DTX2: variants seen among roughly 807,000 people sequenced by gnomAD.
DTX2 encodes probable E3 ubiquitin-protein ligase DTX2.
A neutral mutation model predicts 55.3 loss-of-function variants in DTX2; 29 were observed. That is an observed-to-expected ratio of 0.52 (90% confidence interval 0.39 to 0.71). The LOEUF is 0.71. DTX2 is among the 30% of genes least tolerant of loss of function. The pLI, the probability that DTX2 is intolerant of heterozygous loss-of-function variation, is 0.00. For synonymous variants in DTX2, 276 were observed against 340.4 expected (o/e 0.81, Z 2.08); for missense variants, 537 against 822.5 (o/e 0.65, Z 4.25).
In DTX2 at chr7:76,502,440, A is replaced by G; in HGVS notation, c.1373A>G (p.Tyr458Cys). ...AFHLLCLLAM[Y>C]CNGNKDGSLQ... ...CACCTGCTGTGCCTCCTGGCCATGT[A>G]CTGCAACGGCAATAAGGTGCCCCCA... Residue 458 changes from tyrosine to cysteine, a missense_variant, in exon 8 of 11, where the codon TAC becomes TGC. Tyr to Cys is a radical substitution (Grantham distance 194). Around this residue, in one of 7 missense-constraint regions of DTX2, gnomAD observed 121 missense variants for 136.8 expected, o/e 0.88. Coordinates refer to ENST00000430490, the MANE Select transcript of DTX2 (RefSeq NM_001102594.3). 6.2e-7 allele frequency: 1 copy of G among 1,612,116 alleles called. No homozygotes were observed. The highest frequency in any genetic ancestry group is 8.5e-7 in the Non-Finnish European group (1 of 1,179,880).
intron 6 of DTX2, among the ~76,000 whole-genome samples, chr7:76,499,421 G>T (rs942792833): frequency 3.3e-5 from 5 of 151,568 alleles, no homozygotes; most frequent in African/African-American, 1.2e-4. Flanking sequence ...CCTTTTTGGT[G>T]TAAAGGGAGT....
chr7:76,466,748 G>A (rs1172031363), intron 2 of DTX2, among the ~76,000 whole-genome samples: 3 of 152,328 alleles, frequency 2.0e-5, no homozygotes, highest in Non-Finnish European at 2.9e-5. Flanking sequence ...ACAGGCATGC[G>A]CCACCATGCC....
intron 6 of DTX2, among the ~76,000 whole-genome samples, chr7:76,497,961 C>T (rs1811106033): frequency 6.7e-6 from 1 of 150,062 alleles, no homozygotes; most frequent in Non-Finnish European, 1.5e-5. Context: ...GTTGCATGGC[C>T]ACAGAAGAAG....
At chr7:76,498,355 C>A (rs934007732) in intron 6 of DTX2, among the ~76,000 whole-genome samples, 3 of 151,570 alleles carry the variant, frequency 2.0e-5, no homozygotes, top group African/African-American at 2.4e-5. Flanking sequence ...CGAGCTCCTG[C>A]CCCCAGCCCA....
intron 4 of DTX2, among the ~76,000 whole-genome samples, chr7:76,487,124 C>T (rs1810012114): frequency 2.9e-5 from 2 of 67,800 alleles, no homozygotes; most frequent in Middle Eastern, 4.5e-3. Context: ...GTGGTGTGAT[C>T]GTGGCTCACT....
In DTX2 at chr7:76,490,320, G is replaced by A. The variant is rs1290600445; in HGVS notation, c.909-1833G>A. Among the ~76,000 whole-genome samples, 4 of 84,090 alleles carry A rather than the reference G, an allele frequency of 4.8e-5. 1 individual carries two copies. Among genetic ancestry groups the A allele is most frequent in the African/African-American group, 1.8e-4 (3 of 17,094 alleles). 55.2% of individuals were successfully genotyped at this position (84,090 alleles called of 152,430 possible). A position where few individuals can be genotyped will look rare whatever the true frequency, so the allele number is the denominator to read the frequency against. ...CAGCCTGGTAATAGAGCGAGACTCC[G>A]TCCCCTCACCCCCCCAAAAAAAGAA... On this transcript the variant is annotated intron_variant, in intron 4 of 10. Coordinates refer to ENST00000430490, the MANE Select transcript of DTX2 (RefSeq NM_001102594.3).
chr7:76,495,782 G>A lies in DTX2; in HGVS notation c.1010-1555G>A, dbSNP rs114049378. ...GTGCAAAGCAGGAGTCCAGCAGGGT[G>A]GGGCGGGAGGCTTGGAGGGACAGGC... On this transcript the variant is annotated intron_variant, in intron 5 of 10. Coordinates refer to ENST00000430490, the MANE Select transcript of DTX2 (RefSeq NM_001102594.3). 6.1e-4 allele frequency among the ~76,000 whole-genome samples: 93 copies of A among 152,134 alleles called. 1 individual carries two copies. Among genetic ancestry groups the A allele is most frequent in the African/African-American group, 2.0e-3 (85 of 41,502 alleles).
chr7:76,503,282 C>G (rs1433702709), intron 8 of DTX2, 144 bp from the exon 9 acceptor site: 3 of 871,406 alleles, frequency 3.4e-6, no homozygotes, highest in Non-Finnish European at 5.2e-6. Context: ...CTGTTGGAAG[C>G]CAGTTTCCGG....
intron 2 of DTX2, among the ~76,000 whole-genome samples, chr7:76,469,574 T>C (rs1338836604): frequency 6.7e-6 from 1 of 150,102 alleles, no homozygotes; most frequent in Non-Finnish European, 1.5e-5. Context: ...TTGTATTTTT[T>C]AGTAGAGACA....
intron 8 of DTX2, 27 bp downstream of exon 8, chr7:76,502,483 C>G (rs751117493): frequency 6.2e-7 from 1 of 1,604,852 alleles, no homozygotes; most frequent in Non-Finnish European, 8.5e-7. Flanking sequence ...AGGGCGGAGG[C>G]GGGTGGCCCG....
intron 2 of DTX2, chr7:76,474,511 G>T (rs1808327768): frequency 6.6e-6 from 1 of 152,114 alleles, no homozygotes; most frequent in Non-Finnish European, 1.5e-5. Context: ...CTCTCGGGAC[G>T]GCAGAGGCAG....
intron 2 of DTX2, chr7:76,474,517 G>A (rs910948013): frequency 2.6e-5 from 4 of 152,180 alleles, no homozygotes; most frequent in Non-Finnish European, 5.9e-5. Context: ...GGACGGCAGA[G>A]GCAGGACAGC....
Position 76,503,481 on chromosome 7 carries a change from C to A in DTX2, c.1445C>A (p.Thr482Asn). Residue 482 changes from threonine to asparagine, a missense_variant, in exon 9 of 11, where the codon ACC (threonine) becomes AAC (asparagine). Thr to Asn is a moderately conservative substitution (Grantham distance 65, BLOSUM62 0). Coordinates refer to ENST00000430490, the MANE Select transcript of DTX2 (RefSeq NM_001102594.3). ...CKTIYGEKTG[T>N]QPQGKMEVLR... Reference sequence around the variant, plus strand: ...ACCATCTATGGAGAGAAGACGGGGACCCAGCCCCAGGGAAAGATGGAGGTA... The same window carrying A: ...ACCATCTATGGAGAGAAGACGGGGAACCAGCCCCAGGGAAAGATGGAGGTA... 1.2e-6 allele frequency: 2 copies of A among 1,613,004 alleles called. No homozygotes were observed. Among genetic ancestry groups the A allele is most frequent in the Non-Finnish European group, 1.7e-6 (2 of 1,179,950 alleles).
rs566676772 is a variant in DTX2 at position 76,481,376 on chromosome 7, G to A, written c.268+599G>A. Among the ~76,000 whole-genome samples, 61 of 152,178 alleles carry A rather than the reference G, an allele frequency of 4.0e-4. No individual in the cohort carries two copies. The South Asian group carries it at 4.6e-3, about 11-fold the overall frequency. Reference sequence around the variant, plus strand: ...TAATTTTTGTATTTTTAGTAGAGACGGGGTTTTGCCACGTTGGCCAGGCTG... The same window carrying A: ...TAATTTTTGTATTTTTAGTAGAGACAGGGTTTTGCCACGTTGGCCAGGCTG... On this transcript the variant is annotated intron_variant, in intron 3 of 10. Coordinates refer to ENST00000430490, the MANE Select transcript of DTX2 (RefSeq NM_001102594.3).
chr7:76,469,431 C>T (rs535291138), intron 2 of DTX2, among the ~76,000 whole-genome samples: 2 of 137,260 alleles, frequency 1.5e-5, no homozygotes, highest in African/African-American at 2.7e-5. Flanking sequence ...CTCATTCTGT[C>T]GCCCAAGCTG....
intron 2 of DTX2, among the ~76,000 whole-genome samples, chr7:76,464,363 G>A (rs1327774157): frequency 3.3e-5 from 5 of 150,276 alleles, no homozygotes; most frequent in Admixed American, 2.0e-4. Flanking sequence ...GGCTCTGAGC[G>A]AGGAGGGTTA....
Position 76,505,276 on chromosome 7 carries a change from TG to T in DTX2, c.1642-95del. 9.7e-7 allele frequency: 1 copy of T among 1,034,654 alleles called. No homozygotes were observed. The highest frequency in any genetic ancestry group is 1.5e-5 in the South Asian group (1 of 65,636). The allele number at this position is 1,034,654 out of a possible 1,614,324, so 64.1% of individuals were successfully genotyped here. The stretch of plus-strand genomic sequence containing the variant: ...AGTGGATGAGTCACCTGGGAGGGGC[TG>T]GGATGGGAAGAACATGGTGCCAACC... On this transcript the variant is annotated intron_variant, in intron 10 of 10. Coordinates refer to ENST00000430490, the MANE Select transcript of DTX2 (RefSeq NM_001102594.3). This position sits in a 1 kb window ranked among gnomAD's most constrained non-coding sequence, Gnocchi z 4.4.
intron 8 of DTX2, among the ~76,000 whole-genome samples, 164 bp downstream of exon 8, chr7:76,502,620 G>A (rs543877689): frequency 3.6e-4 from 55 of 152,278 alleles, no homozygotes; most frequent in African/African-American, 1.3e-3. Context: ...AGGCCTGGCC[G>A]GCTCTCCTAG....
chr7:76,480,739 T>C lies in DTX2; in HGVS notation c.230T>C (p.Ile77Thr), dbSNP rs745791636. Residue 77 changes from isoleucine (I) to threonine (T), a missense_variant, in exon 3 of 11, where the codon ATT (isoleucine) becomes ACT (threonine). By Grantham distance (89) the Ile-to-Thr change is moderately conservative (BLOSUM62 -1). This residue lies in a region of DTX2 where 301 missense variants were observed against 396.6 expected (regional missense o/e 0.76). Transcript: ENST00000430490. The stretch of plus-strand genomic sequence containing the variant: ...GACCCCTCGCTGGCCCCTTACATTA[T>C]TGACCTCCCCAGCTGGACCCAGTTC... ...QADPSLAPYI[I>T]DLPSWTQFRQ... 2.5e-6 allele frequency: 4 copies of C among 1,612,480 alleles called. No homozygotes were observed. Among genetic ancestry groups the C allele is most frequent in the South Asian group, 1.1e-5 (1 of 90,982 alleles).
Sources: gnomAD v4.1 joint callset for allele counts (sites outside exome capture counted in the v4.1 genomes callset) on GRCh38, gnomAD v4.1.1 for gene constraint, gnomAD v4.1.1 regional missense constraint, Gnocchi (gnomAD v3.1) non-coding constraint, MANE v1.5 for transcripts, NCBI Gene and HGNC (gene_info 2026-07-23, HGNC 2026-07-21) for gene names.